CHST9: variants seen among roughly 807,000 people sequenced by gnomAD.
CHST9 encodes carbohydrate sulfotransferase 9.
A neutral mutation model predicts 44.4 loss-of-function variants in CHST9; 41 were observed. The ratio of observed to expected loss-of-function variants is 0.92; its 90% confidence interval spans 0.72 to 1.20. The LOEUF (loss-of-function observed/expected upper bound fraction) is 1.20. Ranked by LOEUF, CHST9 falls within the 50% of genes most tolerant of loss-of-function variation. The pLI is 0.00. For synonymous variants in CHST9, 171 were observed against 178.4 expected (o/e 0.96, Z 0.33); for missense variants, 504 against 516.5 (o/e 0.98, Z 0.23).
chr18:27,114,530 G>C (rs2058302912), intron 2 of CHST9, among the ~76,000 whole-genome samples: 1 of 152,150 alleles, frequency 6.6e-6, no homozygotes, highest in South Asian at 2.1e-4. Context: ...GGGGAATTAT[G>C]CACAGAGTTG....
chr18:27,013,924 C>A (rs2057115697), intron 4 of CHST9, among the ~76,000 whole-genome samples: 1 of 152,028 alleles, frequency 6.6e-6, no homozygotes, highest in Non-Finnish European at 1.5e-5. Flanking sequence ...TTGGGCACAC[C>A]TTTGGTAACA....
chr18:26,959,404 C>G (rs1006770981), intron 4 of CHST9, among the ~76,000 whole-genome samples: 2 of 152,112 alleles, frequency 1.3e-5, no homozygotes, highest in Non-Finnish European at 2.9e-5. Flanking sequence ...AATGGTATCC[C>G]AAACTTCAGC....
chr18:27,054,806 ATG>A (rs144818006), intron 2 of CHST9, among the ~76,000 whole-genome samples: 16 of 151,658 alleles, frequency 1.1e-4, no homozygotes, highest in South Asian at 4.2e-4. Flanking sequence ...GAAATTGTAT[ATG>A]TGTGTGTGTG....
At chr18:26,969,711 G>A (rs889068807) in intron 4 of CHST9, among the ~76,000 whole-genome samples, 2 of 152,132 alleles carry the variant, frequency 1.3e-5, no homozygotes, top group African/African-American at 2.4e-5. Flanking sequence ...AGATAAATTA[G>A]GGTGATGAGC....
At chr18:27,006,940 G>A (rs527683434) in intron 4 of CHST9, among the ~76,000 whole-genome samples, 7 of 152,164 alleles carry the variant, frequency 4.6e-5, no homozygotes, top group South Asian at 4.1e-4. Context: ...TATGCTTTCC[G>A]TATTCCAGTC....
chr18:27,100,951 G>A (rs756987190), intron 2 of CHST9, among the ~76,000 whole-genome samples: 1 of 152,172 alleles, frequency 6.6e-6, no homozygotes, highest in Non-Finnish European at 1.5e-5. Context: ...GCAGCCAAAT[G>A]TTATCAGCCA....
At chr18:27,033,502 G>A (rs1032136052) in intron 3 of CHST9, among the ~76,000 whole-genome samples, 5 of 152,174 alleles carry the variant, frequency 3.3e-5, no homozygotes, top group Non-Finnish European at 4.4e-5. Context: ...CTGAAGAGGA[G>A]CTACTTCTGA....
At chr18:27,065,641 G>C (rs2057774488) in intron 2 of CHST9, among the ~76,000 whole-genome samples, 1 of 150,586 alleles carries the variant, frequency 6.6e-6, no homozygotes, top group Non-Finnish European at 1.5e-5. Context: ...AATAGTAAGG[G>C]AGAAACGATA....
chr18:27,023,808 G>T (rs965191385), intron 4 of CHST9, among the ~76,000 whole-genome samples: 1 of 152,110 alleles, frequency 6.6e-6, no homozygotes, highest in Non-Finnish European at 1.5e-5. Context: ...AATAAAAATA[G>T]AAAAATATGT....
intron 4 of CHST9, among the ~76,000 whole-genome samples, chr18:26,995,415 G>A (rs1478137156): frequency 6.7e-6 from 1 of 148,634 alleles, no homozygotes; most frequent in African/African-American, 2.5e-5. Context: ...TGCAACCCGG[G>A]TGACAGAGCG....
At chr18:27,085,361 A>C (rs1387822894) in intron 2 of CHST9, among the ~76,000 whole-genome samples, 1 of 152,168 alleles carries the variant, frequency 6.6e-6, no homozygotes, top group Non-Finnish European at 1.5e-5. Flanking sequence ...AAATATTTGC[A>C]AACTATGCAT....
At chr18:27,180,192 C>T (rs1288229017) in intron 1 of CHST9, among the ~76,000 whole-genome samples, 1 of 152,266 alleles carries the variant, frequency 6.6e-6, no homozygotes. Context: ...GCACTTCTTG[C>T]ACGGGATGTC....
chr18:27,129,282 C>A (rs376055505), intron 2 of CHST9, among the ~76,000 whole-genome samples: 2 of 152,168 alleles, frequency 1.3e-5, no homozygotes, highest in African/African-American at 2.4e-5. Context: ...AAGTTTTATA[C>A]TTCTTTGGTC....
chr18:27,015,841 GA>G (rs1350319267), intron 4 of CHST9, among the ~76,000 whole-genome samples: 5 of 152,168 alleles, frequency 3.3e-5, no homozygotes, highest in African/African-American at 1.2e-4. Context: ...TGGTGTCTGT[GA>G]GATTTGGGTC....
chr18:27,181,865 T>C (rs1416705334), intron 1 of CHST9, among the ~76,000 whole-genome samples: 8 of 152,234 alleles, frequency 5.3e-5, no homozygotes, highest in Non-Finnish European at 1.2e-4. Flanking sequence ...AAAGTTTTCA[T>C]ACCAGGTTTG....
At chr18:26,954,934 A>G (rs1316454571) in intron 4 of CHST9, among the ~76,000 whole-genome samples, 2 of 152,128 alleles carry the variant, frequency 1.3e-5, no homozygotes, top group Non-Finnish European at 2.9e-5. Flanking sequence ...AAATATATGT[A>G]TTGAACACCT....
At chr18:27,018,790 G>T (rs983416045) in intron 4 of CHST9, among the ~76,000 whole-genome samples, 2 of 152,130 alleles carry the variant, frequency 1.3e-5, no homozygotes, top group Admixed American at 1.3e-4. Flanking sequence ...TTACAGAAAA[G>T]AATGTTCAGG....
At chr18:27,061,774 A>G (rs543222519) in intron 2 of CHST9, among the ~76,000 whole-genome samples, 3 of 152,166 alleles carry the variant, frequency 2.0e-5, no homozygotes, top group Admixed American at 6.5e-5. Context: ...AAGGGGACCT[A>G]CACTTGTTCT....
At chr18:27,169,198 T>C (rs2058814577) in intron 1 of CHST9, among the ~76,000 whole-genome samples, 1 of 152,194 alleles carries the variant, frequency 6.6e-6, no homozygotes, top group Admixed American at 6.5e-5. Context: ...TGACATGATA[T>C]ATGTATGTTG....
Sources: gnomAD v4.1 joint callset for allele counts (sites outside exome capture counted in the v4.1 genomes callset) on GRCh38, gnomAD v4.1.1 for gene constraint, MANE v1.5 for transcripts, NCBI Gene and HGNC (gene_info 2026-07-23, HGNC 2026-07-21) for gene names.